Variants in RGS6 observed in about 807,000 individuals in gnomAD.
The protein encoded by RGS6 is regulator of G protein signaling 6, also known as regulator of G-protein signaling 6.
In RGS6, 30 loss-of-function variants were observed where a neutral mutation model predicts 78.5. The observed-to-expected ratio is 0.38, with a 90% CI of 0.29 to 0.52. The LOEUF (loss-of-function observed/expected upper bound fraction) is 0.52, where lower values mean the gene tolerates loss of function less well. RGS6 is among the 20% of genes least tolerant of loss of function. The pLI, the probability that RGS6 is intolerant of heterozygous loss-of-function variation, is 0.85. For missense variants in RGS6, 495 were observed against 609.7 expected, an observed-to-expected ratio of 0.81 and a Z score of 1.98; for synonymous variants, 206 against 206.0, an observed-to-expected ratio of 1.00 and a Z score of 0.00.
At chr14:72,190,640 T>C (rs149632) in intron 2 of RGS6, among the ~76,000 whole-genome samples, 115,690 of 152,136 alleles carry the variant, frequency 0.76, 44,281 homozygotes, top group East Asian at 0.91. Flanking sequence ...TGTGTTCATC[T>C]ACAAATAAGG....
intron 2 of RGS6, among the ~76,000 whole-genome samples, chr14:72,191,716 C>T (rs1246231997): frequency 6.6e-6 from 1 of 152,220 alleles, no homozygotes; most frequent in Non-Finnish European, 1.5e-5. Flanking sequence ...ATGGGAACTA[C>T]AGTTCAAAAT....
chr14:72,148,034 G>A (rs2096631078), intron 2 of RGS6, among the ~76,000 whole-genome samples: 2 of 150,242 alleles, frequency 1.3e-5, no homozygotes, highest in Admixed American at 1.3e-4. Context: ...AGGAGACTAA[G>A]GCAGGAGAAT....
chr14:72,450,361 A>G (rs2095463740), intron 3 of RGS6, among the ~76,000 whole-genome samples: 2 of 152,220 alleles, frequency 1.3e-5, no homozygotes, highest in South Asian at 4.1e-4. Context: ...TAAAAGACAT[A>G]ATTGAAATAC....
At chr14:72,105,917 G>A (rs1018746460) in intron 2 of RGS6, among the ~76,000 whole-genome samples, 9 of 152,106 alleles carry the variant, frequency 5.9e-5, no homozygotes. Context: ...TTTCCTATGA[G>A]AAAAAGGAAA....
chr14:72,497,589 T>G (rs776352334), intron 13 of RGS6, among the ~76,000 whole-genome samples: 3 of 152,172 alleles, frequency 2.0e-5, no homozygotes, highest in Non-Finnish European at 4.4e-5. Context: ...CATCATCGAT[T>G]TAAACAAACA....
At chr14:72,562,218 C>G (rs112783323) in intron 17 of RGS6, among the ~76,000 whole-genome samples, 199 bp from the exon 18 acceptor site, 1 of 152,232 alleles carries the variant, frequency 6.6e-6, no homozygotes, top group African/African-American at 2.4e-5. Flanking sequence ...CTGAACCTTC[C>G]CTGGAGCCCT....
chr14:72,316,125 A>G (rs1448664994), intron 2 of RGS6, among the ~76,000 whole-genome samples: 2 of 152,214 alleles, frequency 1.3e-5, no homozygotes, highest in Admixed American at 6.5e-5. Context: ...CTTTCAAGAC[A>G]TGCAGCAACC....
At chr14:72,610,683 G>A in the RGS6 span, among the ~76,000 whole-genome samples, 13 of 152,326 alleles carry the variant, frequency 8.5e-5, no homozygotes, top group African/African-American at 1.4e-4. Context: ...TGATGAGACC[G>A]TGTTCTCAGC....
chr14:72,435,063 C>A (rs2094838104), intron 3 of RGS6, among the ~76,000 whole-genome samples: 1 of 152,226 alleles, frequency 6.6e-6, no homozygotes, highest in South Asian at 2.1e-4. Flanking sequence ...GCTGGGCTTG[C>A]AAATCCTCCA....
chr14:72,023,013 T>G (rs1031114530), intron 2 of RGS6, among the ~76,000 whole-genome samples: 5 of 152,230 alleles, frequency 3.3e-5, no homozygotes, highest in Non-Finnish European at 7.3e-5. Context: ...TGTGTTCATC[T>G]ATACTTCCAA....
At chr14:71,877,669 C>A in the RGS6 span, among the ~76,000 whole-genome samples, 30 of 152,208 alleles carry the variant, frequency 2.0e-4, no homozygotes, top group Non-Finnish European at 2.5e-4. Flanking sequence ...TTGTCTCAAG[C>A]CTTCTTCTCT....
At chr14:71,903,791 A>T in the RGS6 span, among the ~76,000 whole-genome samples, 1 of 152,252 alleles carries the variant, frequency 6.6e-6, no homozygotes, top group Non-Finnish European at 1.5e-5. Flanking sequence ...AAATCTTAAA[A>T]TAAAGCTTTC....
At chr14:71,886,181 T>C in the RGS6 span, among the ~76,000 whole-genome samples, 11,114 of 152,304 alleles carry the variant, frequency 0.073, 591 homozygotes, top group Non-Finnish European at 0.11. Context: ...GTTGATATGA[T>C]GACAGTGAAT....
chr14:72,470,894 A>AAG (rs1555420966), intron 8 of RGS6, among the ~76,000 whole-genome samples: 8 of 151,740 alleles, frequency 5.3e-5, no homozygotes, highest in African/African-American at 1.9e-4. Context: ...AAAAAAAAAA[A>AAG]AAACAAGATT....
chr14:72,236,380 G>C (rs1000883033), intron 2 of RGS6, among the ~76,000 whole-genome samples: 2 of 151,994 alleles, frequency 1.3e-5, no homozygotes, highest in Non-Finnish European at 2.9e-5. Context: ...TTATTAACTC[G>C]AGTTAAATAT....
intron 2 of RGS6, among the ~76,000 whole-genome samples, chr14:72,189,817 A>G (rs2097299774): frequency 6.6e-6 from 1 of 152,298 alleles, no homozygotes; most frequent in South Asian, 2.1e-4. Flanking sequence ...TGAGACACGC[A>G]TAAGATTCAG....
rs1419100022 is a variant in RGS6, at chr14:72,061,588, GA to G, written c.84+96714del. On this transcript the variant is annotated intron_variant, in intron 2 of 17. Transcript: ENST00000553525. ...GAAAAGTAACTTTTTTTTTTTCCTT[GA>G]CACTTTCAGATCACAATTGATCAAA... is the stretch of plus-strand genomic sequence containing the variant. Among the ~76,000 whole-genome samples, 10 of 149,268 alleles carry G rather than the reference GA, an allele frequency of 6.7e-5. No individual in the cohort carries two copies. The South Asian group carries it at 2.1e-3, about 32-fold the overall frequency.
intron 3 of RGS6, among the ~76,000 whole-genome samples, chr14:72,357,370 GT>G (rs1346629860): frequency 6.6e-6 from 1 of 152,196 alleles, no homozygotes. Flanking sequence ...ATGGGGGAAA[GT>G]TTGGAACTTC....
intron 2 of RGS6, among the ~76,000 whole-genome samples, chr14:72,132,030 C>G (rs907467883): frequency 3.3e-5 from 5 of 152,114 alleles, no homozygotes; most frequent in Admixed American, 3.3e-4. Flanking sequence ...TAGTCATTTT[C>G]TTATCCAAAC....
Sources: allele counts gnomAD v4.1 joint callset (sites outside exome capture counted in the v4.1 genomes callset), GRCh38; gene constraint gnomAD v4.1.1; transcripts MANE v1.5; gene names NCBI Gene and HGNC (gene_info 2026-07-23, HGNC 2026-07-21).